CMIP: variants seen among roughly 807,000 people sequenced by gnomAD.
The protein encoded by CMIP is C-Maf-inducing protein.
CMIP carries 13 observed loss-of-function variants against 97.3 expected under a neutral mutation model. That is an observed-to-expected ratio of 0.13 (90% confidence interval 0.09 to 0.21). The LOEUF is 0.21. Ranked by LOEUF, CMIP falls within the 10% of genes least tolerant of loss-of-function variation. The probability of loss-of-function intolerance (pLI) is 1.00; values close to 1 mark genes in which losing one functional copy is unlikely to be tolerated. For missense variants in CMIP, 847 were observed against 1,024.9 expected, an observed-to-expected ratio of 0.83 and a Z score of 2.37; for synonymous variants, 538 against 436.3, an observed-to-expected ratio of 1.23 and a Z score of -2.91.
intron 14 of CMIP, chr16:81,696,929 CAT>C (rs970165160): frequency 1.3e-5 from 7 of 534,190 alleles, no homozygotes; most frequent in African/African-American, 5.8e-5. Flanking sequence ...GAAGACGACA[CAT>C]GTCATTGCCC....
intron 1 of CMIP, among the ~76,000 whole-genome samples, chr16:81,517,259 C>T (rs553141218): frequency 2.9e-5 from 3 of 102,310 alleles, no homozygotes; most frequent in East Asian, 4.5e-4. Flanking sequence ...AAAAACCAGA[C>T]GGCCTCCAAG....
intron 2 of CMIP, chr16:81,620,434 G>T (rs1249534948): frequency 6.2e-6 from 1 of 161,838 alleles, no homozygotes; most frequent in Non-Finnish European, 1.4e-5. Context: ...TAGGGCTGCT[G>T]TGAGGACCAA....
intron 1 of CMIP, among the ~76,000 whole-genome samples, chr16:81,586,343 G>T (rs375472308): frequency 6.6e-6 from 1 of 152,174 alleles, no homozygotes; most frequent in African/African-American, 2.4e-5. Flanking sequence ...GTGGTAATTT[G>T]TGGGTGCTAT....
chr16:81,644,716 G>A (rs1392334131), intron 3 of CMIP, among the ~76,000 whole-genome samples: 1 of 152,244 alleles, frequency 6.6e-6, no homozygotes, highest in Non-Finnish European at 1.5e-5. Context: ...AATCAGGGAA[G>A]CCAGGGAAGA....
chr16:81,654,260 T>C (rs2092460073), intron 4 of CMIP, among the ~76,000 whole-genome samples: 1 of 151,874 alleles, frequency 6.6e-6, no homozygotes, highest in African/African-American at 2.4e-5. Flanking sequence ...TTATTAACAA[T>C]GGGGTCTCAC....
At chr16:81,646,959 G>C (rs906203994) in intron 3 of CMIP, among the ~76,000 whole-genome samples, 3 of 152,104 alleles carry the variant, frequency 2.0e-5, no homozygotes, top group Admixed American at 2.0e-4. Flanking sequence ...TCTTTCTCTT[G>C]GGTAGATTTC....
At chr16:81,688,068 T>C (rs746898525) in intron 10 of CMIP, among the ~76,000 whole-genome samples, 9 of 152,226 alleles carry the variant, frequency 5.9e-5, no homozygotes, top group Non-Finnish European at 1.2e-4. Flanking sequence ...GTGCTAATAC[T>C]GTTCGGTTGT....
intron 1 of CMIP, among the ~76,000 whole-genome samples, chr16:81,566,584 A>G (rs1223394446): frequency 6.6e-6 from 1 of 152,224 alleles, no homozygotes; most frequent in Admixed American, 6.5e-5. Flanking sequence ...CCTGCTTACC[A>G]GGTCTTGGCA....
rs1906332233 is a variant in CMIP, at chr16:81,453,055, A to T, written c.300+7514A>T. ...CTAAGGATCCTAGGATCTAGAACACACTAGTGCTCTGATTCACCTCTGGTT... is the reference window on the plus strand; with the variant it reads ...CTAAGGATCCTAGGATCTAGAACACTCTAGTGCTCTGATTCACCTCTGGTT... On this transcript the variant is annotated intron_variant, in intron 1 of 20. Transcript: ENST00000537098. The surrounding 1 kb of genome is among the most constrained non-coding windows in gnomAD (Gnocchi z 4.0). Among the ~76,000 whole-genome samples the T allele has an allele frequency of 6.6e-6, 1 of 151,750 alleles. No homozygotes were observed. The highest frequency in any genetic ancestry group is 2.1e-4 in the South Asian group (1 of 4,816).
chr16:81,465,021 T>C (rs77311304), intron 1 of CMIP, among the ~76,000 whole-genome samples: 1 of 152,158 alleles, frequency 6.6e-6, no homozygotes, highest in Non-Finnish European at 1.5e-5. Flanking sequence ...TGAACATTGG[T>C]GCAAGTATTT....
At chr16:81,577,085 C>T (rs1381411370) in intron 1 of CMIP, among the ~76,000 whole-genome samples, 1 of 145,468 alleles carries the variant, frequency 6.9e-6, no homozygotes. Flanking sequence ...ATCCCCATTA[C>T]CACTACATTA....
chr16:81,560,000 T>C (rs2090845001), intron 1 of CMIP, among the ~76,000 whole-genome samples: 1 of 151,608 alleles, frequency 6.6e-6, no homozygotes, highest in African/African-American at 2.4e-5. Flanking sequence ...ATACAAAAAT[T>C]AGCGGGGCAT....
rs1318354621 is a variant in CMIP at position 81,615,540 on chromosome 16, ATG to A, written c.427-5331_427-5330del. 5.7e-5 allele frequency among the ~76,000 whole-genome samples: 5 copies of A among 88,106 alleles called. No homozygotes were observed. In the East Asian group the frequency reaches 1.9e-3, roughly 34 times the overall value. 57.8% of individuals were successfully genotyped at this position (88,106 alleles called of 152,430 possible). On this transcript the variant is annotated intron_variant, in intron 2 of 20. Coordinates refer to ENST00000537098, the MANE Select transcript of CMIP (RefSeq NM_198390.3). Reference sequence around the variant, plus strand: ...AGGTGTATGTGTTTTTGTGTGTGGTATGTGTGCATGTGTAACTGTATGGTGCG... The same window carrying A: ...AGGTGTATGTGTTTTTGTGTGTGGTATGTGCATGTGTAACTGTATGGTGCG...
rs574160569 is a variant in CMIP, at chr16:81,618,668, G to C, written c.427-2208G>C. On this transcript the variant is annotated intron_variant, in intron 2 of 20. Coordinates refer to ENST00000537098, the MANE Select transcript of CMIP (RefSeq NM_198390.3). The stretch of plus-strand genomic sequence containing the variant: ...CTGGCCCAGGGGCATCCCCTTGAAG[G>C]TGTGGAATCAGCCAAAATGGGATTG... 4 of 152,354 alleles carry C rather than the reference G, an allele frequency of 2.6e-5. No individual in the cohort carries two copies. In the East Asian group the frequency reaches 7.7e-4, roughly 29 times the overall value. 9.4% of individuals were successfully genotyped at this position (152,354 alleles called of 1,614,324 possible). A position where few individuals can be genotyped will look rare whatever the true frequency, so the allele number is the denominator to read the frequency against.
At chr16:81,644,408 A>T (rs1243376260) in intron 3 of CMIP, among the ~76,000 whole-genome samples, 1 of 152,106 alleles carries the variant, frequency 6.6e-6, no homozygotes, top group African/African-American at 2.4e-5. Context: ...CTCTGTGGGG[A>T]GTGCACCAGC....
chr16:81,445,134 T>G lies in CMIP; in HGVS notation c.-108T>G, dbSNP rs2150722763. Reference sequence around the variant, plus strand: ...GCCCCCAGCCCCACACCCCCCCACCTTCCCGGGGGGTGGGGGGGTGCGGGC... The same window carrying G: ...GCCCCCAGCCCCACACCCCCCCACCGTCCCGGGGGGTGGGGGGGTGCGGGC... On this transcript the variant is annotated 5_prime_UTR_variant, in exon 1 of 21. Coordinates refer to ENST00000537098, the MANE Select transcript of CMIP (RefSeq NM_198390.3). The G allele has an allele frequency of 1.9e-6, 1 of 538,422 alleles. No homozygotes were observed. Among genetic ancestry groups the G allele is most frequent in the Non-Finnish European group, 2.9e-6 (1 of 345,436 alleles). 33.4% of individuals were successfully genotyped at this position (538,422 alleles called of 1,614,324 possible). A position where few individuals can be genotyped will look rare whatever the true frequency, so the allele number is the denominator to read the frequency against.
intron 17 of CMIP, 118 bp from the exon 18 acceptor site, chr16:81,703,820 GC>G: frequency 1.5e-6 from 2 of 1,334,684 alleles, no homozygotes; most frequent in Admixed American, 2.6e-5. Context: ...GGGATTTACC[GC>G]CCCCCAGGAA....
At chr16:81,504,157 C>G (rs1484987599) in intron 1 of CMIP, among the ~76,000 whole-genome samples, 1 of 152,070 alleles carries the variant, frequency 6.6e-6, no homozygotes, top group African/African-American at 2.4e-5. Flanking sequence ...GAAACCCCCT[C>G]TCTACTAAAA....
intron 1 of CMIP, among the ~76,000 whole-genome samples, chr16:81,526,748 G>A (rs1472382528): frequency 6.6e-6 from 1 of 152,204 alleles, no homozygotes; most frequent in Non-Finnish European, 1.5e-5. Context: ...TTGCAGAGGT[G>A]CCCCCGGGAG....
Sources: allele counts gnomAD v4.1 joint callset (sites outside exome capture counted in the v4.1 genomes callset), GRCh38; gene constraint gnomAD v4.1.1; non-coding constraint Gnocchi (gnomAD v3.1); transcripts MANE v1.5; gene names NCBI Gene and HGNC (gene_info 2026-07-23, HGNC 2026-07-21).